The following SOD2 variants were observed in gnomAD, a reference collection of about 807,000 sequenced individuals.
SOD2 encodes the protein superoxide dismutase 2.
SOD2 carries 11 observed loss-of-function variants against 27.0 expected under a neutral mutation model. The observed-to-expected ratio is 0.41, with a 90% CI of 0.26 to 0.67. The LOEUF (loss-of-function observed/expected upper bound fraction) is 0.67. Ranked by LOEUF, SOD2 falls within the 30% of genes least tolerant of loss-of-function variation. The pLI is 0.34. For missense variants in SOD2, 250 were observed against 274.5 expected, an observed-to-expected ratio of 0.91 and a Z score of 0.63; for synonymous variants, 105 against 103.0, an observed-to-expected ratio of 1.02 and a Z score of -0.12.
At chr6:159,757,702 C>T (rs979834547) in intron 1 of SOD2, among the ~76,000 whole-genome samples, 39 of 152,150 alleles carry the variant, frequency 2.6e-4, no homozygotes, top group Non-Finnish European at 8.8e-5. Context: ...TGAGCCACCG[C>T]GCCCAACCTT....
intron 1 of SOD2, among the ~76,000 whole-genome samples, chr6:159,724,756 A>T (rs2114842513): frequency 6.6e-6 from 1 of 151,572 alleles, no homozygotes; most frequent in South Asian, 2.1e-4. Context: ...GGAGGCTGAG[A>T]TGGGAGGATT....
At chr6:159,690,578 TAA>T (rs1562423883) in intron 2 of SOD2, among the ~76,000 whole-genome samples, 1 of 151,558 alleles carries the variant, frequency 6.6e-6, no homozygotes, top group Non-Finnish European at 1.5e-5. Flanking sequence ...AAGGGTTTTT[TAA>T]AGACACCAAC....
intron 1 of SOD2, among the ~76,000 whole-genome samples, chr6:159,733,180 G>T (rs199551965): frequency 2.1e-5 from 1 of 47,258 alleles, no homozygotes; most frequent in Admixed American, 3.4e-4. Context: ...AAGAAAAAAA[G>T]AATAATATAC....
intron 1 of SOD2, among the ~76,000 whole-genome samples, chr6:159,757,419 C>CTTTTTTTTTTTTTTTTTT (rs4038770): frequency 7.0e-6 from 1 of 143,488 alleles, no homozygotes; most frequent in Non-Finnish European, 1.5e-5. Flanking sequence ...TTCTTTTTCT[C>CTTTTTTTTTTTTTTTTTT]TTTTTTTTTT....
intron 1 of SOD2, among the ~76,000 whole-genome samples, chr6:159,720,225 T>A (rs1420957360): frequency 3.3e-5 from 5 of 151,894 alleles, no homozygotes; most frequent in South Asian, 2.1e-4. Context: ...AAATATATAT[T>A]TTTTTAGCAA....
exon 1 of SOD2, chr6:159,762,212 A>C: frequency 6.5e-7 from 1 of 1,535,128 alleles, no homozygotes; most frequent in Non-Finnish European, 8.8e-7. Flanking sequence ...CGAGGGCCGG[A>C]CTTGTGTAGG....
rs766331163 is a variant in SOD2 at position 159,676,922 on chromosome 6, C to T, written c.*5571G>A. ...ACCTAATTCAATGTTCTTTCCATGCCCACACAAAGGCAAGCAGCAGAAGGA... is the reference window on the plus strand; with the variant it reads ...ACCTAATTCAATGTTCTTTCCATGCTCACACAAAGGCAAGCAGCAGAAGGA... On this transcript the variant is annotated 3_prime_UTR_variant, in exon 5 of 5. Transcript: ENST00000538183. 6.6e-6 allele frequency: 1 copy of T among 151,890 alleles called. No homozygotes were observed. The highest frequency in any genetic ancestry group is 6.6e-5 in the Admixed American group (1 of 15,200). The allele number at this position is 151,890 out of a possible 1,614,324, so 9.4% of individuals were successfully genotyped here.
At chr6:159,759,306 G>A (rs755467955) in intron 1 of SOD2, among the ~76,000 whole-genome samples, 18 of 149,502 alleles carry the variant, frequency 1.2e-4, no homozygotes, top group Non-Finnish European at 1.9e-4. Flanking sequence ...TGATCTGCCC[G>A]CCTCGGCCTC....
chr6:159,761,971 T>C (rs1302523757), exon 1 of SOD2: 2 of 1,183,444 alleles, frequency 1.7e-6, no homozygotes, highest in African/African-American at 3.1e-5. Flanking sequence ...CGCGGGGAGG[T>C]GGAGGGCGAG....
At chr6:159,698,325 C>G (rs927453336) in intron 1 of SOD2, among the ~76,000 whole-genome samples, 2 of 150,580 alleles carry the variant, frequency 1.3e-5, no homozygotes, top group Non-Finnish European at 3.0e-5. Flanking sequence ...CACTTGAACC[C>G]AGGAGGTGGA....
Position 159,692,723 on chromosome 6 carries a change from T to G in SOD2, c.164A>C (p.His55Pro). 1.2e-6 allele frequency: 2 copies of G among 1,614,088 alleles called. No individual in the cohort carries two copies. The highest frequency in any genetic ancestry group is 1.7e-6 in the Non-Finnish European group (2 of 1,180,004). ...GTTCAGGTTGTTCACGTAGGCCGCG[T>G]GGTGCTTGCTGTGGTGCAGCTGCAT... Reference protein sequence around the residue: ...QIMQLHHSKHHAAYVNNLNVT... With the variant: ...QIMQLHHSKHPAAYVNNLNVT... The change falls in exon 2 of 5, where the codon CAC becomes CCC. Residue 55 changes from histidine (H) to proline (P), a missense_variant. His to Pro is a moderately conservative substitution (Grantham distance 77). Coordinates refer to ENST00000538183, the MANE Select transcript of SOD2 (RefSeq NM_000636.4).
At chr6:159,702,436 A>G (rs1267181709) in intron 1 of SOD2, among the ~76,000 whole-genome samples, 1 of 151,642 alleles carries the variant, frequency 6.6e-6, no homozygotes, top group Admixed American at 6.6e-5. Flanking sequence ...AGCTGGGACT[A>G]CAGACGTGCA....
chr6:159,692,503 CA>C (rs1777259367), intron 2 of SOD2, 157 bp downstream of exon 2: 1 of 1,457,462 alleles, frequency 6.9e-7, no homozygotes, highest in African/African-American at 1.4e-5. Flanking sequence ...TGAGGTAGAC[CA>C]TGTGTTTAAA....
In SOD2 at chr6:159,677,775, CA is replaced by C. The variant is rs1779809874; in HGVS notation, c.*4717del. The C allele has an allele frequency of 1.3e-5, 2 of 152,280 alleles. No individual in the cohort carries two copies. Among genetic ancestry groups the C allele is most frequent in the Admixed American group, 1.3e-4 (2 of 15,298 alleles). 9.4% of individuals were successfully genotyped at this position (152,280 alleles called of 1,614,324 possible). Reference sequence around the variant, plus strand: ...CTGGGATGATAGGTGTGAGTAACCACAACCAGCTATTATGAGAAATATATAA... The same window carrying C: ...CTGGGATGATAGGTGTGAGTAACCACACCAGCTATTATGAGAAATATATAA... On this transcript the variant is annotated 3_prime_UTR_variant, in exon 5 of 5. Coordinates refer to ENST00000538183, the MANE Select transcript of SOD2 (RefSeq NM_000636.4).
intron 1 of SOD2, among the ~76,000 whole-genome samples, chr6:159,717,237 A>T (rs1777937236): frequency 6.6e-6 from 1 of 152,092 alleles, no homozygotes; most frequent in African/African-American, 2.4e-5. Context: ...CCCACCAAGG[A>T]GTTCAGAATG....
At chr6:159,739,989 A>G (rs994275990) in intron 1 of SOD2, among the ~76,000 whole-genome samples, 2 of 151,860 alleles carry the variant, frequency 1.3e-5, no homozygotes, top group African/African-American at 2.4e-5. Context: ...CTACTACTCA[A>G]TGCTGGGTTT....
intron 3 of SOD2, among the ~76,000 whole-genome samples, chr6:159,685,483 C>T (rs1780146948): frequency 1.3e-5 from 2 of 152,092 alleles, no homozygotes; most frequent in Admixed American, 6.5e-5. Flanking sequence ...CTCAGGTGAT[C>T]CACCCGCCTT....
In SOD2 at chr6:159,676,632, G is replaced by T. The variant is rs1414130819; in HGVS notation, c.*5861C>A. 1 of 152,052 alleles carries T rather than the reference G, an allele frequency of 6.6e-6. No homozygotes were observed. The highest frequency in any genetic ancestry group is 6.6e-5 in the Admixed American group (1 of 15,248). 9.4% of individuals were successfully genotyped at this position (152,052 alleles called of 1,614,324 possible). ...AGAAGGGGGAGGGATAGCATTAGGA[G>T]ATATACCTAATGTAAATGACGAGTT... On this transcript the variant is annotated 3_prime_UTR_variant, in exon 5 of 5. Transcript: ENST00000538183.
At chr6:159,698,198 G>A (rs1225505733), upstream of SOD2, among the ~76,000 whole-genome samples, 2 of 152,108 alleles carry the variant, frequency 1.3e-5, no homozygotes, top group East Asian at 1.9e-4. Context: ...GCTTGAACCC[G>A]GGAGGCGGCA....
Sources: allele counts gnomAD v4.1 joint callset (sites outside exome capture counted in the v4.1 genomes callset), GRCh38; gene constraint gnomAD v4.1.1; transcripts MANE v1.5; gene names NCBI Gene and HGNC (gene_info 2026-07-23, HGNC 2026-07-21).